The following COL25A1 variants were observed in gnomAD, a reference collection of about 807,000 sequenced individuals.
The protein encoded by COL25A1 is collagen alpha-1(XXV) chain.
A neutral mutation model predicts 128.4 loss-of-function variants in COL25A1; 103 were observed. That is an observed-to-expected ratio of 0.80 (90% CI 0.68 to 0.94). The LOEUF is 0.94. Ranked by LOEUF, COL25A1 falls within the 40% of genes least tolerant of loss-of-function variation. The pLI is 0.00. For missense variants in COL25A1, 745 were observed against 840.0 expected, an observed-to-expected ratio of 0.89 and a Z score of 1.40; for synonymous variants, 279 against 277.2, an observed-to-expected ratio of 1.01 and a Z score of -0.06.
intron 3 of COL25A1, among the ~76,000 whole-genome samples, chr4:109,285,548 C>T (rs1000739907): frequency 5.9e-5 from 9 of 152,152 alleles, no homozygotes; most frequent in African/African-American, 1.4e-4. Context: ...AACATTATGA[C>T]GAATAATGCA....
At chr4:108,894,393 G>C (rs1741896000) in intron 16 of COL25A1, among the ~76,000 whole-genome samples, 1 of 151,974 alleles carries the variant, frequency 6.6e-6, no homozygotes, top group African/African-American at 2.4e-5. Context: ...CCTCGGTGTA[G>C]AATATTTCCT....
intron 29 of COL25A1, 108 bp from the exon 30 acceptor site, chr4:108,844,677 A>G: frequency 7.0e-7 from 1 of 1,424,540 alleles, no homozygotes. Flanking sequence ...GTTGGAGAGG[A>G]AGAAAGATAC....
intron 3 of COL25A1, among the ~76,000 whole-genome samples, chr4:109,287,756 G>C (rs1724025212): frequency 6.6e-6 from 1 of 152,120 alleles, no homozygotes; most frequent in South Asian, 2.1e-4. Context: ...TCAGCCAAAA[G>C]GTGGCAGCAA....
intron 6 of COL25A1, among the ~76,000 whole-genome samples, chr4:108,998,696 G>A (rs1755030964): frequency 6.6e-6 from 1 of 152,128 alleles, no homozygotes; most frequent in Admixed American, 6.6e-5. Context: ...GAGGCAACAT[G>A]CTACCTGACT....
intron 3 of COL25A1, among the ~76,000 whole-genome samples, chr4:109,265,680 T>C (rs1361859509): frequency 6.6e-6 from 1 of 152,116 alleles, no homozygotes; most frequent in Non-Finnish European, 1.5e-5. Flanking sequence ...GAACAGCCAT[T>C]GTTGCGGTCC....
At chr4:109,041,706 T>C (rs970637955) in intron 5 of COL25A1, among the ~76,000 whole-genome samples, 2 of 152,084 alleles carry the variant, frequency 1.3e-5, no homozygotes, top group Admixed American at 6.5e-5. Context: ...TCAGAAGAGA[T>C]ATAAATCATA....
intron 3 of COL25A1, among the ~76,000 whole-genome samples, chr4:109,288,069 A>T (rs957299422): frequency 6.6e-6 from 1 of 152,174 alleles, no homozygotes; most frequent in Non-Finnish European, 1.5e-5. Flanking sequence ...GGAGGGCCAA[A>T]ATAGCAGCGT....
At chr4:108,954,853 C>G (rs908507827) in intron 8 of COL25A1, among the ~76,000 whole-genome samples, 4 of 151,730 alleles carry the variant, frequency 2.6e-5, no homozygotes, top group Non-Finnish European at 5.9e-5. Context: ...GAAACCATAA[C>G]TAATCAAGAC....
intron 3 of COL25A1, among the ~76,000 whole-genome samples, chr4:109,157,741 C>A (rs370181269): frequency 7.9e-5 from 12 of 152,052 alleles, no homozygotes; most frequent in African/African-American, 2.4e-4. Context: ...GTAACAAGAC[C>A]ACCATCTATA....
intron 32 of COL25A1, among the ~76,000 whole-genome samples, chr4:108,831,017 A>T (rs146343393): frequency 6.2e-4 from 95 of 152,322 alleles, no homozygotes; most frequent in African/African-American, 2.0e-3. Flanking sequence ...TCTTTCTACA[A>T]GCATTCTTGG....
chr4:109,147,851 A>G (rs1319765484), intron 3 of COL25A1, among the ~76,000 whole-genome samples: 1 of 151,506 alleles, frequency 6.6e-6, no homozygotes, highest in African/African-American at 2.4e-5. Context: ...GAGTATTTCT[A>G]TTTACATATT....
intron 35 of COL25A1, chr4:108,823,866 T>C: frequency 7.4e-7 from 1 of 1,342,872 alleles, no homozygotes; most frequent in South Asian, 1.7e-5. Context: ...AATTTTACTT[T>C]TTAAAATGAT....
intron 5 of COL25A1, among the ~76,000 whole-genome samples, chr4:109,036,271 G>C (rs1759343605): frequency 6.6e-6 from 1 of 152,052 alleles, no homozygotes. Context: ...CTCTAAACAA[G>C]GGAGCTAATG....
chr4:109,154,520 A>G (rs1771845790), intron 3 of COL25A1, among the ~76,000 whole-genome samples: 1 of 152,138 alleles, frequency 6.6e-6, no homozygotes, highest in Non-Finnish European at 1.5e-5. Flanking sequence ...AAAGTTAGGG[A>G]CTGCATGGTG....
intron 3 of COL25A1, among the ~76,000 whole-genome samples, chr4:109,107,321 A>G (rs561881481): frequency 6.6e-6 from 1 of 152,248 alleles, no homozygotes; most frequent in East Asian, 1.9e-4. Flanking sequence ...GGTCCTCAGG[A>G]GTTATTTTCC....
chr4:108,833,463 CA>C (rs1237420305), intron 31 of COL25A1, among the ~76,000 whole-genome samples: 2 of 152,174 alleles, frequency 1.3e-5, no homozygotes, highest in African/African-American at 2.4e-5. Context: ...TTGCCTGAAA[CA>C]AGTTTTTAGA....
intron 3 of COL25A1, among the ~76,000 whole-genome samples, chr4:109,081,853 G>A (rs1489770468): frequency 1.3e-5 from 2 of 151,936 alleles, no homozygotes; most frequent in Non-Finnish European, 2.9e-5. Context: ...ACAGGCATGT[G>A]CCACCACGCC....
At chr4:108,980,851 A>G (rs1752907815) in intron 6 of COL25A1, among the ~76,000 whole-genome samples, 1 of 152,230 alleles carries the variant, frequency 6.6e-6, no homozygotes, top group Non-Finnish European at 1.5e-5. Flanking sequence ...CTCAATGGTC[A>G]CCGCACGTCT....
chr4:108,895,352 T>C (rs766247287), intron 16 of COL25A1, among the ~76,000 whole-genome samples: 6 of 152,222 alleles, frequency 3.9e-5, no homozygotes, highest in African/African-American at 9.6e-5. Flanking sequence ...ACTACTTAGC[T>C]TGATTTAAAT....
Sources: gnomAD v4.1 joint callset for allele counts (sites outside exome capture counted in the v4.1 genomes callset) on GRCh38, gnomAD v4.1.1 for gene constraint, MANE v1.5 for transcripts, NCBI Gene and HGNC (gene_info 2026-07-23, HGNC 2026-07-21) for gene names.